PSME3: variants seen among roughly 807,000 people sequenced by gnomAD.
PSME3 encodes the protein proteasome activator subunit 3.
Under a neutral mutation model 38.3 loss-of-function variants are expected in PSME3, and 7 were observed. That is an observed-to-expected ratio of 0.18 (90% confidence interval 0.10 to 0.34). PSME3 has a LOEUF of 0.34. Ranked by LOEUF, PSME3 falls within the 10% of genes least tolerant of loss-of-function variation. PSME3 has a pLI of 1.00. For missense variants in PSME3, 192 were observed against 307.6 expected (o/e 0.62, Z 2.81); for synonymous variants, 108 against 105.7 (o/e 1.02, Z -0.13).
chr17:42,833,692 C>A lies in PSME3; in HGVS notation c.42+19C>A, dbSNP rs1448741429. 34 of 1,614,222 alleles carry A rather than the reference C, an allele frequency of 2.1e-5. No homozygotes were observed. Among genetic ancestry groups the A allele is most frequent in the Non-Finnish European group, 2.8e-5 (33 of 1,180,036 alleles). On this transcript the variant is annotated intron_variant, in intron 1 of 10. Transcript: ENST00000590720. The stretch of plus-strand genomic sequence containing the variant: ...GCTCAAGGTAGCGGCACCGGTCCGG[C>A]CTTTTTGCCCCTCGCTTTGATCCCC...
At position 42,833,623 on chromosome 17, in the gene PSME3, G is replaced by A. The variant is rs1397415746; in HGVS notation, c.-9G>A. Reference sequence around the variant, plus strand: ...GTGTCCAGAGGATCGGACACGGCCCGGCCCGGCCATGGCCTCGTTGCTGAA... The same window carrying A: ...GTGTCCAGAGGATCGGACACGGCCCAGCCCGGCCATGGCCTCGTTGCTGAA... On this transcript the variant is annotated 5_prime_UTR_variant, in exon 1 of 11. Coordinates refer to ENST00000590720, the MANE Select transcript of PSME3 (RefSeq NM_005789.4). 1 of 1,614,210 alleles carries A rather than the reference G, an allele frequency of 6.2e-7. No homozygotes were observed. Among genetic ancestry groups the A allele is most frequent in the African/African-American group, 1.3e-5 (1 of 75,068 alleles).
At chr17:42,837,238 A>G (rs1188677941) in intron 4 of PSME3, among the ~76,000 whole-genome samples, 1 of 152,012 alleles carries the variant, frequency 6.6e-6, no homozygotes, top group African/African-American at 2.4e-5. Flanking sequence ...TTTAGTGGAG[A>G]TGAGGTTTCA....
In PSME3 at chr17:42,843,292, CAT is replaced by C. The variant is rs1743062990; in HGVS notation, c.*1717_*1718del. On this transcript the variant is annotated 3_prime_UTR_variant, in exon 11 of 11. Coordinates refer to ENST00000590720, the MANE Select transcript of PSME3 (RefSeq NM_005789.4). The stretch of plus-strand genomic sequence containing the variant: ...TGGTGGCTAGGGATGTACTCATGCT[CAT>C]ATGTGTGCACGCTTGGACACCCACC... 6.5e-6 allele frequency: 1 copy of C among 152,748 alleles called. No homozygotes were observed. The allele number at this position is 152,748 out of a possible 1,614,324, so 9.5% of individuals were successfully genotyped here. A position where few individuals can be genotyped will look rare whatever the true frequency, so the allele number is the denominator to read the frequency against.
At chr17:42,835,138 A>G (rs1188898052) in intron 4 of PSME3, among the ~76,000 whole-genome samples, 1 of 152,040 alleles carries the variant, frequency 6.6e-6, no homozygotes, top group East Asian at 1.9e-4. Flanking sequence ...CCCGAACTCA[A>G]GCGATCCTTC....
At chr17:42,837,856 G>A (rs1471223477) in intron 5 of PSME3, 159 bp downstream of exon 5, 1 of 925,898 alleles carries the variant, frequency 1.1e-6, no homozygotes, top group African/African-American at 1.7e-5. Flanking sequence ...GTTATTGAGT[G>A]CTCTAAACCT....
Position 42,833,514 on chromosome 17 carries a change from G to C in PSME3, c.-118G>C. On this transcript the variant is annotated 5_prime_UTR_variant, in exon 1 of 11. Transcript: ENST00000590720. ...GAGGGAGCGAGCGAGCAGTGAGTAA[G>C]CCAGCAAGGGCGGTCGGGTCCCGAG... 6 of 1,318,634 alleles carry C rather than the reference G, an allele frequency of 4.6e-6. No individual in the cohort carries two copies. Among genetic ancestry groups the C allele is most frequent in the Non-Finnish European group, 6.5e-6 (6 of 929,806 alleles). 81.7% of individuals were successfully genotyped at this position (1,318,634 alleles called of 1,614,324 possible). A position where few individuals can be genotyped will look rare whatever the true frequency, so the allele number is the denominator to read the frequency against.
At chr17:42,838,638 T>C in intron 6 of PSME3, 93 bp from the exon 7 acceptor site, 2 of 1,228,172 alleles carry the variant, frequency 1.6e-6, no homozygotes, top group South Asian at 1.3e-5. Context: ...TTTTGACTTC[T>C]GTGTTCCTGG....
chr17:42,839,335 A>G lies in PSME3; in HGVS notation c.639A>G (p.Glu213=). 2 of 1,613,744 alleles carry G rather than the reference A, an allele frequency of 1.2e-6. No homozygotes were observed. The highest frequency in any genetic ancestry group is 1.7e-6 in the Non-Finnish European group (2 of 1,179,806). The part of the protein sequence containing the change: ...RRTVTEIDEK[E]YISLRLIISE... ...CCGTGACAGAGATTGATGAGAAAGAATATATCAGCCTTCGGCTCATCATAT... is the reference window on the plus strand; with the variant it reads ...CCGTGACAGAGATTGATGAGAAAGAGTATATCAGCCTTCGGCTCATCATAT... Residue 213 remains glutamate (E), a synonymous_variant, in exon 10 of 11, where the codon GAA becomes GAG. Transcript: ENST00000590720.
rs2055553328 is a variant in PSME3 at position 42,842,984 on chromosome 17, G to A, written c.*1406G>A. On this transcript the variant is annotated 3_prime_UTR_variant, in exon 11 of 11. Transcript: ENST00000590720. ...CCAATATTCTGTAGAGAGGGAGTCA[G>A]GATGCTGTCTTCCCACGAATAGTAC... 6.5e-6 allele frequency: 1 copy of A among 152,722 alleles called. No homozygotes were observed. The highest frequency in any genetic ancestry group is 2.4e-5 in the African/African-American group (1 of 41,418). The allele number at this position is 152,722 out of a possible 1,614,324, so 9.5% of individuals were successfully genotyped here.
rs1455412706 is a variant in PSME3 at position 42,838,075 on chromosome 17, C to T, written c.293-18C>T. On this transcript the variant is annotated intron_variant, in intron 5 of 10. Transcript: ENST00000590720. The stretch of plus-strand genomic sequence containing the variant: ...CCTTCCCTCTTCCCTGATCATTTGA[C>T]CTTCACATCTCTGCCAGGAACCAAG... 1 of 1,613,394 alleles carries T rather than the reference C, an allele frequency of 6.2e-7. No homozygotes were observed. Among genetic ancestry groups the T allele is most frequent in the Non-Finnish European group, 8.5e-7 (1 of 1,179,338 alleles).
rs553368872 is a variant in PSME3, at chr17:42,835,007, G to A, written c.243+131G>A. ...GGAACTAGGACTCTGTTACAGACAT[G>A]ATGACTCTAGTATAGTTCTTTTATT... On this transcript the variant is annotated intron_variant, in intron 4 of 10. Transcript: ENST00000590720. 24 of 1,300,786 alleles carry A rather than the reference G, an allele frequency of 1.8e-5. No homozygotes were observed. In the African/African-American group the frequency reaches 2.2e-4, roughly 12 times the overall value. 80.6% of individuals were successfully genotyped at this position (1,300,786 alleles called of 1,614,324 possible). A position where few individuals can be genotyped will look rare whatever the true frequency, so the allele number is the denominator to read the frequency against.
At chr17:42,833,836 G>C in intron 1 of PSME3, 163 bp downstream of exon 1, 1 of 1,534,640 alleles carries the variant, frequency 6.5e-7, no homozygotes, top group Non-Finnish European at 8.8e-7. Context: ...TCGCGGGAGA[G>C]GAAAATATAG....
Position 42,838,087 on chromosome 17 carries a change from T to C in PSME3, c.293-6T>C. On this transcript the variant is annotated splice_polypyrimidine_tract_variant and splice_region_variant and intron_variant, in intron 5 of 10. Coordinates refer to ENST00000590720, the MANE Select transcript of PSME3 (RefSeq NM_005789.4). ...CCTGATCATTTGACCTTCACATCTCTGCCAGGAACCAAGGTGTTTGTGATG... is the reference window on the plus strand; with the variant it reads ...CCTGATCATTTGACCTTCACATCTCCGCCAGGAACCAAGGTGTTTGTGATG... 1 of 1,614,132 alleles carries C rather than the reference T, an allele frequency of 6.2e-7. No individual in the cohort carries two copies. The highest frequency in any genetic ancestry group is 8.5e-7 in the Non-Finnish European group (1 of 1,179,976).
In PSME3 at chr17:42,834,563, G is replaced by C; in HGVS notation, c.124G>C (p.Asp42His). 6.2e-7 allele frequency: 1 copy of C among 1,613,894 alleles called. No individual in the cohort carries two copies. Among genetic ancestry groups the C allele is most frequent in the Non-Finnish European group, 8.5e-7 (1 of 1,179,882 alleles). ...TTTCCCAAAGAAGTTATTAGAACTT[G>C]ATAGTTTTCTGAAGGTGAGAGACCC... ...NFFPKKLLEL[D>H]SFLKEPILNI... Residue 42 changes from aspartate (D) to histidine (H), a missense_variant, in exon 3 of 11, where the codon GAT (aspartate) becomes CAT (histidine). Physicochemically the swap from Asp to His is moderately conservative, Grantham distance 81. Coordinates refer to ENST00000590720, the MANE Select transcript of PSME3 (RefSeq NM_005789.4).
chr17:42,841,702 G>T lies in PSME3; in HGVS notation c.*124G>T, dbSNP rs959898700. The T allele has an allele frequency of 1.2e-5, 7 of 602,268 alleles. No individual in the cohort carries two copies. Among genetic ancestry groups the T allele is most frequent in the Middle Eastern group, 4.3e-4 (1 of 2,306 alleles). 37.3% of individuals were successfully genotyped at this position (602,268 alleles called of 1,614,324 possible). A position where few individuals can be genotyped will look rare whatever the true frequency, so the allele number is the denominator to read the frequency against. On this transcript the variant is annotated 3_prime_UTR_variant, in exon 11 of 11. Transcript: ENST00000590720. ...TAGTAATCACACCTCTCTGTTTTTA[G>T]TTAGAGTCTAATGAAACTCTCATCT...
intron 1 of PSME3, 47 bp from the exon 2 acceptor site, chr17:42,834,297 C>G: frequency 6.2e-7 from 1 of 1,613,508 alleles, no homozygotes; most frequent in South Asian, 1.1e-5. Flanking sequence ...CCATCCTGCT[C>G]TTACCTCTGT....
At position 42,837,818 on chromosome 17, in the gene PSME3, AGCAT is replaced by A. The variant is rs1409135688; in HGVS notation, c.292+122_292+125del. 2.6e-6 allele frequency: 3 copies of A among 1,171,684 alleles called. No homozygotes were observed. The East Asian group carries it at 7.1e-5, about 28-fold the overall frequency. The allele number at this position is 1,171,684 out of a possible 1,614,324, so 72.6% of individuals were successfully genotyped here. ...AGATCTAATCTTACTTCCCAGAGGTAGCATTCCCAGCTCCTCCAAACGTGCTTGT... is the reference window on the plus strand; with the variant it reads ...AGATCTAATCTTACTTCCCAGAGGTATCCCAGCTCCTCCAAACGTGCTTGT... On this transcript the variant is annotated intron_variant, in intron 5 of 10. Coordinates refer to ENST00000590720, the MANE Select transcript of PSME3 (RefSeq NM_005789.4).
rs2055537287 is a variant in PSME3 at position 42,841,792 on chromosome 17, C to T, written c.*214C>T. The T allele has an allele frequency of 2.5e-6, 1 of 406,826 alleles. No individual in the cohort carries two copies. Among genetic ancestry groups the T allele is most frequent in the South Asian group, 5.4e-5 (1 of 18,432 alleles). 25.2% of individuals were successfully genotyped at this position (406,826 alleles called of 1,614,324 possible). ...AACTCTTCTATTTCCTTCCCTAATACCCCACACCCAACCTGTCGTAATTTC... is the reference window on the plus strand; with the variant it reads ...AACTCTTCTATTTCCTTCCCTAATATCCCACACCCAACCTGTCGTAATTTC... On this transcript the variant is annotated 3_prime_UTR_variant, in exon 11 of 11. Transcript: ENST00000590720.
In PSME3 at chr17:42,841,725, TC is replaced by T; in HGVS notation, c.*148del. 3.7e-6 allele frequency: 2 copies of T among 541,838 alleles called. No individual in the cohort carries two copies. Among genetic ancestry groups the T allele is most frequent in the Non-Finnish European group, 6.4e-6 (2 of 314,252 alleles). 33.6% of individuals were successfully genotyped at this position (541,838 alleles called of 1,614,324 possible). A position where few individuals can be genotyped will look rare whatever the true frequency, so the allele number is the denominator to read the frequency against. On this transcript the variant is annotated 3_prime_UTR_variant, in exon 11 of 11. Coordinates refer to ENST00000590720, the MANE Select transcript of PSME3 (RefSeq NM_005789.4). ...TAGTTAGAGTCTAATGAAACTCTCA[TC>T]TAGTTCTGTGATGTGTTTACCTCTT... is the stretch of plus-strand genomic sequence containing the variant.
Sources: allele counts gnomAD v4.1 joint callset (sites outside exome capture counted in the v4.1 genomes callset), GRCh38; gene constraint gnomAD v4.1.1; transcripts MANE v1.5; gene names NCBI Gene and HGNC (gene_info 2026-07-23, HGNC 2026-07-21).